The following DTWD2 variants were observed in gnomAD, a reference collection of about 807,000 sequenced individuals.
DTWD2 encodes tRNA-uridine aminocarboxypropyltransferase 2.
DTWD2 carries 39 observed loss-of-function variants against 31.8 expected under a neutral mutation model. The ratio of observed to expected loss-of-function variants is 1.22; its 90% confidence interval spans 0.95 to 1.60. The LOEUF is 1.60. Among genes scored for constraint, DTWD2 ranks in the 40% most tolerant of loss-of-function variants. DTWD2 has a pLI of 0.00. For missense variants in DTWD2, 515 were observed against 381.5 expected (o/e 1.35, Z -2.92); for synonymous variants, 180 against 142.8 (o/e 1.26, Z -1.86).
intron 4 of DTWD2, among the ~76,000 whole-genome samples, chr5:118,865,885 C>T (rs17144749): frequency 0.04 from 6,113 of 152,132 alleles, 404 homozygotes; most frequent in African/African-American, 0.14. Context: ...TAAGCAACGA[C>T]CTTACCTCTC....
At position 118,837,966 on chromosome 5, in the gene DTWD2, C is replaced by A. The variant is rs1197492191; in HGVS notation, c.*2951G>T. 1 of 152,080 alleles carries A rather than the reference C, an allele frequency of 6.6e-6. No homozygotes were observed. The highest frequency in any genetic ancestry group is 1.5e-5 in the Non-Finnish European group (1 of 68,008). 9.4% of individuals were successfully genotyped at this position (152,080 alleles called of 1,614,324 possible). ...CACTAACTGGTGGTATAGTGAGGAGCTTATTTCTTCCAAAATATATGAAAA... is the reference window on the plus strand; with the variant it reads ...CACTAACTGGTGGTATAGTGAGGAGATTATTTCTTCCAAAATATATGAAAA... On this transcript the variant is annotated 3_prime_UTR_variant, in exon 6 of 6. Coordinates refer to ENST00000510708, the MANE Select transcript of DTWD2 (RefSeq NM_173666.4).
chr5:118,947,906 G>T (rs973130695), intron 1 of DTWD2, among the ~76,000 whole-genome samples: 1 of 152,100 alleles, frequency 6.6e-6, no homozygotes, highest in African/African-American at 2.4e-5. Context: ...AGGAACTTCA[G>T]TTATATTGTG....
In DTWD2 at chr5:118,940,703, C is replaced by A. The variant is rs192356420; in HGVS notation, c.310-1413G>T. Among the ~76,000 whole-genome samples, 13 of 152,188 alleles carry A rather than the reference C, an allele frequency of 8.5e-5. No homozygotes were observed. The East Asian group carries it at 2.3e-3, about 27-fold the overall frequency. ...CATTTTACTAATGAGGAAACTGAAA[C>A]ACAGAGATGTTAATTAACTTGCTCA... On this transcript the variant is annotated intron_variant, in intron 2 of 5. Coordinates refer to ENST00000510708, the MANE Select transcript of DTWD2 (RefSeq NM_173666.4).
chr5:118,907,707 G>A (rs983937027), intron 4 of DTWD2, among the ~76,000 whole-genome samples: 1 of 151,352 alleles, frequency 6.6e-6, no homozygotes, highest in East Asian at 1.9e-4. Context: ...CTCAGCCTGG[G>A]TGACAGCGAG....
intron 4 of DTWD2, among the ~76,000 whole-genome samples, chr5:118,861,160 T>C (rs1268839556): frequency 6.6e-6 from 1 of 152,226 alleles, no homozygotes; most frequent in Non-Finnish European, 1.5e-5. Flanking sequence ...CTCCCAATGG[T>C]TACCTGGATT....
At chr5:118,915,249 A>T (rs1753547756) in intron 4 of DTWD2, among the ~76,000 whole-genome samples, 1 of 152,112 alleles carries the variant, frequency 6.6e-6, no homozygotes, top group South Asian at 2.1e-4. Flanking sequence ...ATATGGAAAA[A>T]AAAGCCTGTA....
At chr5:118,974,454 C>T (rs1392671932) in intron 1 of DTWD2, 3 of 473,750 alleles carry the variant, frequency 6.3e-6, no homozygotes, top group Admixed American at 6.0e-5. Flanking sequence ...TAATGATCTC[C>T]GATGACCAAA....
intron 4 of DTWD2, among the ~76,000 whole-genome samples, chr5:118,866,875 C>T (rs1482812432): frequency 6.6e-6 from 1 of 151,784 alleles, no homozygotes; most frequent in Non-Finnish European, 1.5e-5. Flanking sequence ...CAAGATCATG[C>T]CACTGCACTC....
chr5:118,862,675 T>G (rs546242157), intron 4 of DTWD2, among the ~76,000 whole-genome samples: 11 of 152,356 alleles, frequency 7.2e-5, no homozygotes, highest in Admixed American at 3.3e-4. Flanking sequence ...GTTTTCTACC[T>G]ATCATTTACC....
At chr5:118,945,643 T>C (rs1294917586) in intron 1 of DTWD2, among the ~76,000 whole-genome samples, 1 of 151,594 alleles carries the variant, frequency 6.6e-6, no homozygotes, top group Non-Finnish European at 1.5e-5. Flanking sequence ...TGGGTGCCTA[T>C]AATCCCAGCA....
intron 4 of DTWD2, among the ~76,000 whole-genome samples, chr5:118,875,827 T>G (rs1031944795): frequency 6.6e-6 from 1 of 152,078 alleles, no homozygotes; most frequent in Admixed American, 6.6e-5. Context: ...ACAAAGATAT[T>G]AAGGACCTGA....
rs1450417651 is a variant in DTWD2 at position 118,836,547 on chromosome 5, A to C, written c.*4370T>G. ...CCACCACGCTTGGCTCAAGTGAATA[A>C]TTCTTAAAAATTGAAAAACAATTAC... On this transcript the variant is annotated 3_prime_UTR_variant, in exon 6 of 6. Transcript: ENST00000510708. Among the ~76,000 whole-genome samples, 1 of 152,202 alleles carries C rather than the reference A, an allele frequency of 6.6e-6. No homozygotes were observed. Among genetic ancestry groups the C allele is most frequent in the Non-Finnish European group, 1.5e-5 (1 of 68,042 alleles).
chr5:118,934,425 AAC>A (rs1255725678), intron 3 of DTWD2, among the ~76,000 whole-genome samples: 2 of 150,508 alleles, frequency 1.3e-5, no homozygotes, highest in African/African-American at 5.0e-5. Context: ...TGAAAACAAT[AAC>A]ACAAAAAATA....
chr5:118,910,985 C>T (rs1436106963), intron 4 of DTWD2, among the ~76,000 whole-genome samples: 1 of 152,132 alleles, frequency 6.6e-6, no homozygotes, highest in Non-Finnish European at 1.5e-5. Flanking sequence ...CCAAAGTCCC[C>T]ACCTCTTAAT....
intron 4 of DTWD2, among the ~76,000 whole-genome samples, chr5:118,908,037 A>T (rs980073850): frequency 1.3e-5 from 2 of 152,176 alleles, no homozygotes; most frequent in African/African-American, 4.8e-5. Context: ...GACCATATAA[A>T]CTTGCCTTGA....
At chr5:118,862,020 T>G (rs1019192834) in intron 4 of DTWD2, among the ~76,000 whole-genome samples, 1 of 152,150 alleles carries the variant, frequency 6.6e-6, no homozygotes, top group African/African-American at 2.4e-5. Flanking sequence ...TCGCAGGATG[T>G]GAGTGGCAGC....
intron 4 of DTWD2, among the ~76,000 whole-genome samples, chr5:118,864,080 T>G (rs6878699): frequency 1.5e-5 from 1 of 68,468 alleles, no homozygotes; most frequent in Non-Finnish European, 2.6e-5. Context: ...AAAACCCACA[T>G]GTATGTTTAT....
chr5:118,954,387 G>C (rs1197215090), intron 1 of DTWD2, among the ~76,000 whole-genome samples: 1 of 152,164 alleles, frequency 6.6e-6, no homozygotes, highest in South Asian at 2.1e-4. Context: ...CATTATGTTA[G>C]CTGAATGTGG....
intron 3 of DTWD2, 22 bp downstream of exon 3, chr5:118,939,174 A>G (rs1390406605): frequency 6.3e-7 from 1 of 1,581,970 alleles, no homozygotes; most frequent in African/African-American, 1.4e-5. Flanking sequence ...AATTATTTAC[A>G]TTGCCCTAAC....
Sources: gnomAD v4.1 joint callset for allele counts (sites outside exome capture counted in the v4.1 genomes callset) on GRCh38, gnomAD v4.1.1 for gene constraint, MANE v1.5 for transcripts, NCBI Gene and HGNC (gene_info 2026-07-23, HGNC 2026-07-21) for gene names.